The following RBM41 variants were observed in gnomAD, a reference collection of about 807,000 sequenced individuals.
RBM41 encodes RNA-binding protein 41.
In RBM41, 14 loss-of-function variants were observed where a neutral mutation model predicts 30.8. That is an observed-to-expected ratio of 0.45 (90% confidence interval 0.30 to 0.71). The LOEUF (loss-of-function observed/expected upper bound fraction) is 0.71. RBM41 is among the 30% of genes least tolerant of loss of function. The pLI is 0.08. For missense variants in RBM41, 276 were observed against 326.3 expected, an observed-to-expected ratio of 0.85 and a Z score of 1.19; for synonymous variants, 120 against 110.1, an observed-to-expected ratio of 1.09 and a Z score of -0.56.
chrX:107,076,338 A>AATAC (rs1936225868), intron 6 of RBM41, among the ~76,000 whole-genome samples: 1 of 106,488 alleles, frequency 9.4e-6, no homozygotes, highest in Non-Finnish European at 1.9e-5. Flanking sequence ...TAAATAAATA[A>AATAC]ATAAATAAAT....
intron 6 of RBM41, among the ~76,000 whole-genome samples, chrX:107,073,603 A>C (rs1302742559): frequency 8.9e-6 from 1 of 111,944 alleles, no homozygotes; most frequent in East Asian, 2.8e-4. Context: ...AACTACAAAT[A>C]GAACTACCAT....
rs1924835929 is a variant in RBM41, at chrX:107,115,793, A to C, written c.318+69T>G. ...TAGAAATGAAAAGGCTCTCAGTGCT[A>C]AAATGAAGATATTTTGCTCTGTTTC... On this transcript the variant is annotated intron_variant, in intron 3 of 7. Coordinates refer to ENST00000685964, the MANE Select transcript of RBM41 (RefSeq NM_001324242.2). 6.4e-6 allele frequency: 7 copies of C among 1,097,056 alleles called. No individual in the cohort carries two copies. The South Asian group carries it at 1.7e-4, about 27-fold the overall frequency. 90.4% of individuals were successfully genotyped at this position (1,097,056 alleles called of 1,213,427 possible). A position where few individuals can be genotyped will look rare whatever the true frequency, so the allele number is the denominator to read the frequency against.
chrX:107,116,746 C>G lies in RBM41; in HGVS notation c.29G>C (p.Ser10Thr). MKRVNSCVKSDEHVLEELET... is the reference protein window; with the variant it reads MKRVNSCVKTDEHVLEELET... ...CAGCTCCTCCAGGACATGCTCATCA[C>G]TCTTCACACAGCTGTTTACCCTGGA... Residue 10 changes from serine to threonine, a missense_variant, in exon 2 of 8, where the codon AGT becomes ACT. By Grantham distance (58) the Ser-to-Thr change is moderately conservative (BLOSUM62 1). Transcript: ENST00000685964. 8.3e-7 allele frequency: 1 copy of G among 1,210,716 alleles called. No individual in the cohort carries two copies. The highest frequency in any genetic ancestry group is 1.1e-6 in the Non-Finnish European group (1 of 895,194).
intron 2 of RBM41, 44 bp from the exon 3 acceptor site, chrX:107,116,098 T>A (rs1257286014): frequency 9.4e-7 from 1 of 1,069,147 alleles, no homozygotes; most frequent in African/African-American, 1.9e-5. Flanking sequence ...TTGAGGTTAC[T>A]ATCATTCACA....
At position 107,115,486 on chromosome X, in the gene RBM41, T is replaced by G; in HGVS notation, c.389A>C (p.Glu130Ala). Residue 130 changes from glutamate (E) to alanine (A), a missense_variant, in exon 4 of 8, where the codon GAG (glutamate) becomes GCG (alanine). Glu to Ala is a moderately radical substitution (Grantham distance 107). Coordinates refer to ENST00000685964, the MANE Select transcript of RBM41 (RefSeq NM_001324242.2). ...TGGCAGGCAAAGAATGCGCTGACGC[T>G]CCGAGATCCTTTCTTCAATATCTTG... ...RLQDIEERIS[E>A]RQRILCLPQR... is the part of the protein sequence containing the mutation. The G allele has an allele frequency of 8.3e-7, 1 of 1,211,764 alleles. No individual in the cohort carries two copies.
At chrX:107,100,365 G>A (rs1310769708) in intron 5 of RBM41, among the ~76,000 whole-genome samples, 3 of 110,242 alleles carry the variant, frequency 2.7e-5, no homozygotes, top group East Asian at 2.8e-4. Flanking sequence ...GATGGCAAAC[G>A]TCTGTAATCC....
At chrX:107,068,281 G>A (rs1348695216) in intron 7 of RBM41, among the ~76,000 whole-genome samples, 2 of 111,050 alleles carry the variant, frequency 1.8e-5, no homozygotes, top group Non-Finnish European at 3.8e-5. Context: ...TTTGTGGCCA[G>A]GAGTTTGTGG....
chrX:107,116,543 C>G (rs1924890621), intron 2 of RBM41, 107 bp downstream of exon 2: 1 of 1,099,117 alleles, frequency 9.1e-7, no homozygotes, highest in African/African-American at 1.9e-5. Context: ...TGAAGTCTAA[C>G]AAAGAAAGGG....
At chrX:107,092,592 AT>A (rs772988198) in intron 5 of RBM41, among the ~76,000 whole-genome samples, 2 of 111,748 alleles carry the variant, frequency 1.8e-5, no homozygotes, top group Admixed American at 9.5e-5. Context: ...ATTAAAAAAA[AT>A]AATAAAATAA....
chrX:107,061,829 T>G (rs1162551443), downstream of RBM41, among the ~76,000 whole-genome samples: 1 of 112,055 alleles, frequency 8.9e-6, no homozygotes. Context: ...TTTTCAACTG[T>G]AATCAAAAGG....
intron 6 of RBM41, among the ~76,000 whole-genome samples, chrX:107,085,157 A>G (rs1161366056): frequency 1.8e-5 from 2 of 111,249 alleles, no homozygotes; most frequent in Non-Finnish European, 3.8e-5. Flanking sequence ...AAGATCTTCA[A>G]TTTTACTAGA....
chrX:107,066,418 T>A lies in RBM41; in HGVS notation c.*1109A>T, dbSNP rs1935840613. 1 of 111,806 alleles carries A rather than the reference T, an allele frequency of 8.9e-6. No individual in the cohort carries two copies. The highest frequency in any genetic ancestry group is 3.2e-5 in the African/African-American group (1 of 30,784). 9.2% of individuals were successfully genotyped at this position (111,806 alleles called of 1,213,427 possible). ...CTTTTCCTTTTTTCCTGTACTCCCA[T>A]TAGAAATATGTAGGAATGCTTAATG... On this transcript the variant is annotated 3_prime_UTR_variant, in exon 8 of 8. Transcript: ENST00000685964.
chrX:107,084,678 TA>T (rs1921859829), intron 6 of RBM41, among the ~76,000 whole-genome samples: 1 of 111,582 alleles, frequency 9.0e-6, no homozygotes, highest in Non-Finnish European at 1.9e-5. Flanking sequence ...TCTACCAGTT[TA>T]TGGCTCCAGT....
At chrX:107,075,910 C>T (rs1021469520) in intron 6 of RBM41, among the ~76,000 whole-genome samples, 1 of 111,933 alleles carries the variant, frequency 8.9e-6, no homozygotes, top group Non-Finnish European at 1.9e-5. Flanking sequence ...AAATCAGCAT[C>T]TCAAAGAGAT....
chrX:107,116,621 T>C (rs199987976), intron 2 of RBM41, 29 bp downstream of exon 2: 18 of 1,203,508 alleles, frequency 1.5e-5, no homozygotes, highest in Admixed American at 2.2e-5. Context: ...GAGTCTATGA[T>C]ACTCTCCGTT....
At chrX:107,087,691 C>T (rs1483111622) in intron 6 of RBM41, among the ~76,000 whole-genome samples, 2 of 112,200 alleles carry the variant, frequency 1.8e-5, no homozygotes, top group East Asian at 2.8e-4. Context: ...CTGCAACCTC[C>T]GCCTCCCGGG....
rs1308587201 is a variant in RBM41 at position 107,065,356 on chromosome X, C to G, written c.*2171G>C. ...GCATTATTTCATAATGTGATATTTACATTTAATAATATTTTTGATTTTTTA... is the reference window on the plus strand; with the variant it reads ...GCATTATTTCATAATGTGATATTTAGATTTAATAATATTTTTGATTTTTTA... On this transcript the variant is annotated 3_prime_UTR_variant, in exon 8 of 8. Coordinates refer to ENST00000685964, the MANE Select transcript of RBM41 (RefSeq NM_001324242.2). 8.8e-6 allele frequency: 1 copy of G among 113,909 alleles called. No homozygotes were observed. Among genetic ancestry groups the G allele is most frequent in the African/African-American group, 3.2e-5 (1 of 30,906 alleles). 9.4% of individuals were successfully genotyped at this position (113,909 alleles called of 1,213,427 possible).
intron 5 of RBM41, among the ~76,000 whole-genome samples, chrX:107,111,484 C>G (rs906945756): frequency 2.7e-5 from 3 of 111,017 alleles, no homozygotes; most frequent in African/African-American, 9.8e-5. Context: ...ACTGATATGG[C>G]AGTTTCTCAA....
chrX:107,080,413 T>C (rs1327573840), intron 6 of RBM41, among the ~76,000 whole-genome samples: 1 of 111,227 alleles, frequency 9.0e-6, no homozygotes, highest in Non-Finnish European at 1.9e-5. Flanking sequence ...ACCCCATCTC[T>C]ACTAAAAATA....
Sources: allele counts gnomAD v4.1 joint callset (sites outside exome capture counted in the v4.1 genomes callset), GRCh38; gene constraint gnomAD v4.1.1; transcripts MANE v1.5; gene names NCBI Gene and HGNC (gene_info 2026-07-23, HGNC 2026-07-21).